NBEA: variants seen among roughly 807,000 people sequenced by gnomAD.
NBEA encodes neurobeachin.
Under a neutral mutation model 343.4 loss-of-function variants are expected in NBEA, and 44 were observed. The observed-to-expected ratio is 0.13, with a 90% CI of 0.10 to 0.16. The LOEUF is 0.16. Ranked by LOEUF, NBEA falls within the 10% of genes least tolerant of loss-of-function variation. NBEA has a pLI of 1.00. For missense variants in NBEA, 2,555 were observed against 3,631.3 expected, an observed-to-expected ratio of 0.70 and a Z score of 7.62; for synonymous variants, 1,175 against 1,238.7, an observed-to-expected ratio of 0.95 and a Z score of 1.08.
intron 36 of NBEA, among the ~76,000 whole-genome samples, chr13:35,330,821 C>G (rs1183787579): frequency 2.6e-5 from 4 of 151,942 alleles, no homozygotes; most frequent in African/African-American, 9.7e-5. Flanking sequence ...GGGAAAGTCT[C>G]TAGTGTCTTA....
At chr13:35,279,572 A>G (rs967324655) in intron 34 of NBEA, among the ~76,000 whole-genome samples, 4 of 152,224 alleles carry the variant, frequency 2.6e-5, no homozygotes, top group African/African-American at 4.8e-5. Flanking sequence ...TATTAGCAAT[A>G]GTCACCTAAT....
intron 13 of NBEA, among the ~76,000 whole-genome samples, chr13:35,111,877 A>G (rs1171993238): frequency 6.7e-6 from 1 of 148,404 alleles, no homozygotes; most frequent in Non-Finnish European, 1.5e-5. Context: ...TTATAGTTTT[A>G]TAATAATCCC....
At chr13:35,512,533 C>G (rs1309288853) in intron 41 of NBEA, among the ~76,000 whole-genome samples, 1 of 152,196 alleles carries the variant, frequency 6.6e-6, no homozygotes, top group Non-Finnish European at 1.5e-5. Flanking sequence ...AATCTCTGAG[C>G]GTTCTTTTCT....
At chr13:35,633,609 G>A (rs1208281223) in intron 49 of NBEA, among the ~76,000 whole-genome samples, 3 of 151,896 alleles carry the variant, frequency 2.0e-5, no homozygotes. Flanking sequence ...GTATTTGAGT[G>A]ACATTAAGTC....
At chr13:35,178,323 G>A (rs1373299661) in intron 28 of NBEA, among the ~76,000 whole-genome samples, 1 of 151,520 alleles carries the variant, frequency 6.6e-6, no homozygotes, top group African/African-American at 2.4e-5. Context: ...TTAACTTAAT[G>A]TTTTCATCAG....
chr13:35,100,413 G>C (rs1358746943), intron 11 of NBEA, among the ~76,000 whole-genome samples: 2 of 151,662 alleles, frequency 1.3e-5, no homozygotes, highest in Non-Finnish European at 3.0e-5. Flanking sequence ...TTATTTTTTT[G>C]AATGACAGAA....
At chr13:35,130,203 C>A (rs1320327317) in intron 17 of NBEA, among the ~76,000 whole-genome samples, 1 of 151,998 alleles carries the variant, frequency 6.6e-6, no homozygotes, top group Non-Finnish European at 1.5e-5. Flanking sequence ...CTCAATTTTA[C>A]TGAGAACCTA....
intron 45 of NBEA, among the ~76,000 whole-genome samples, chr13:35,582,414 A>G (rs1038219631): frequency 6.6e-6 from 1 of 152,198 alleles, no homozygotes; most frequent in African/African-American, 2.4e-5. Flanking sequence ...TGTTTTAAAT[A>G]TTAAGATTTT....
At chr13:35,273,884 C>G (rs2034374082) in intron 34 of NBEA, among the ~76,000 whole-genome samples, 1 of 151,976 alleles carries the variant, frequency 6.6e-6, no homozygotes, top group South Asian at 2.1e-4. Context: ...AGCCTACCAA[C>G]CAAAAAAAAG....
intron 49 of NBEA, among the ~76,000 whole-genome samples, chr13:35,640,426 C>A (rs7327540): frequency 0.47 from 71,955 of 152,064 alleles, 17,612 homozygotes; most frequent in African/African-American, 0.58. Flanking sequence ...TCTGGCTCTC[C>A]AGGTAGATTC....
At chr13:35,114,172 A>G (rs574789113) in intron 13 of NBEA, among the ~76,000 whole-genome samples, 4 of 152,050 alleles carry the variant, frequency 2.6e-5, no homozygotes, top group Admixed American at 6.6e-5. Flanking sequence ...CTTTTAGTGG[A>G]CAGATCTAGG....
At chr13:35,240,085 T>C (rs1593887961) in intron 34 of NBEA, among the ~76,000 whole-genome samples, 1 of 149,992 alleles carries the variant, frequency 6.7e-6, no homozygotes, top group East Asian at 2.1e-4. Flanking sequence ...CAACCAATAA[T>C]AACTGCAATG....
chr13:35,187,472 A>G (rs752970500), intron 30 of NBEA, among the ~76,000 whole-genome samples: 2 of 149,998 alleles, frequency 1.3e-5, no homozygotes, highest in African/African-American at 2.4e-5. Context: ...CCATTTTAAT[A>G]TAATAAATAT....
At position 35,072,047 on chromosome 13, in the gene NBEA, A is replaced by G. The variant is rs112184495; in HGVS notation, c.1571+1195A>G. Among the ~76,000 whole-genome samples, 61 of 152,200 alleles carry G rather than the reference A, an allele frequency of 4.0e-4. 1 individual carries two copies. Among genetic ancestry groups the G allele is most frequent in the African/African-American group, 1.3e-3 (56 of 41,556 alleles). ...TTGCTTGTGAGATCTTAAATAATCTAATTGGAAGGCAGCTCAGCTTAGTGG... is the reference window on the plus strand; with the variant it reads ...TTGCTTGTGAGATCTTAAATAATCTGATTGGAAGGCAGCTCAGCTTAGTGG... On this transcript the variant is annotated intron_variant, in intron 10 of 58. Transcript: ENST00000379939.
chr13:35,070,706 T>C lies in NBEA; in HGVS notation c.1438-13T>C, dbSNP rs748199873. The C allele has an allele frequency of 8.3e-6, 13 of 1,563,510 alleles. No individual in the cohort carries two copies. Among genetic ancestry groups the C allele is most frequent in the Non-Finnish European group, 1.0e-5 (12 of 1,146,064 alleles). On this transcript the variant is annotated splice_polypyrimidine_tract_variant and intron_variant, in intron 9 of 58. Transcript: ENST00000379939. Reference sequence around the variant, plus strand: ...TATAGAAGTTTAATAAACATTTTTGTTTTTGGACATAGGATGTGAAAGCGA... The same window carrying C: ...TATAGAAGTTTAATAAACATTTTTGCTTTTGGACATAGGATGTGAAAGCGA...
chr13:35,175,863 G>A (rs1292437474), intron 27 of NBEA, among the ~76,000 whole-genome samples: 6 of 151,964 alleles, frequency 3.9e-5, no homozygotes, highest in Admixed American at 3.9e-4. Flanking sequence ...TTTTTATACT[G>A]TGTGAAAAGG....
chr13:35,207,901 G>C (rs1318256057), intron 31 of NBEA, among the ~76,000 whole-genome samples: 4 of 152,000 alleles, frequency 2.6e-5, no homozygotes, highest in Non-Finnish European at 5.9e-5. Flanking sequence ...TTAATTTTCA[G>C]CTTTACTATG....
At chr13:35,290,960 G>C (rs2035767363) in intron 35 of NBEA, among the ~76,000 whole-genome samples, 3 of 151,484 alleles carry the variant, frequency 2.0e-5, no homozygotes, top group African/African-American at 7.3e-5. Flanking sequence ...AAATCTACTT[G>C]AGCTGTTTGT....
chr13:35,668,576 C>A, intron 58 of NBEA, 57 bp downstream of exon 58: 1 of 1,474,842 alleles, frequency 6.8e-7, no homozygotes, highest in Non-Finnish European at 9.0e-7. Context: ...AGGCTCTCTT[C>A]ATTCTACCAA....
Sources: gnomAD v4.1 joint callset for allele counts (sites outside exome capture counted in the v4.1 genomes callset) on GRCh38, gnomAD v4.1.1 for gene constraint, MANE v1.5 for transcripts, NCBI Gene and HGNC (gene_info 2026-07-23, HGNC 2026-07-21) for gene names.